SEC61A2: variants seen among roughly 807,000 people sequenced by gnomAD.
The protein encoded by SEC61A2 is SEC61 translocon subunit alpha 2, also known as protein transport protein Sec61 subunit alpha isoform 2.
Under a neutral mutation model 59.9 loss-of-function variants are expected in SEC61A2, and 28 were observed. The ratio of observed to expected loss-of-function variants is 0.47; its 90% confidence interval spans 0.35 to 0.64. SEC61A2 has a LOEUF of 0.64. Among genes scored for constraint, SEC61A2 ranks in the 30% least tolerant of loss-of-function variants. The probability of loss-of-function intolerance (pLI) is 0.01; values close to 1 mark genes in which losing one functional copy is unlikely to be tolerated. For synonymous variants in SEC61A2, 202 were observed against 214.4 expected (o/e 0.94, Z 0.50); for missense variants, 340 against 585.9 (o/e 0.58, Z 4.33).
chr10:12,167,617 T>C (rs1217378860), downstream of SEC61A2: 2 of 1,305,650 alleles, frequency 1.5e-6, no homozygotes, highest in Non-Finnish European at 2.2e-6. Context: ...ATGGCAAATC[T>C]ACATTAAACT....
chr10:12,158,142 T>A lies in SEC61A2; in HGVS notation c.975+37T>A. 6.7e-7 allele frequency: 1 copy of A among 1,482,814 alleles called. No individual in the cohort carries two copies. Among genetic ancestry groups the A allele is most frequent in the East Asian group, 2.4e-5 (1 of 42,380 alleles). 91.9% of individuals were successfully genotyped at this position (1,482,814 alleles called of 1,614,324 possible). A position where few individuals can be genotyped will look rare whatever the true frequency, so the allele number is the denominator to read the frequency against. On this transcript the variant is annotated intron_variant, in intron 9 of 11. Coordinates refer to ENST00000298428, the MANE Select transcript of SEC61A2 (RefSeq NM_018144.4). This position sits in a 1 kb window ranked among gnomAD's most constrained non-coding sequence, Gnocchi z 5.7. ...GTTTATTTACATTATTTATAGTTTA[T>A]TATAATTTGCATTTCATGGTTGTAT...
At chr10:12,167,867 C>CT, downstream of SEC61A2, 1 of 1,605,456 alleles carries the variant, frequency 6.2e-7, no homozygotes. Context: ...GACAAAACAT[C>CT]TTATTCAATC....
chr10:12,169,132 T>C, downstream of SEC61A2: 2 of 580,206 alleles, frequency 3.4e-6, no homozygotes, highest in Non-Finnish European at 6.1e-6. This position sits in a 1 kb window ranked among gnomAD's most constrained non-coding sequence, Gnocchi z 4.8. Context: ...ATAAACGGTT[T>C]GATTACTGTA....
In SEC61A2 at chr10:12,161,087, C is replaced by A; in HGVS notation, c.1133C>A (p.Thr378Lys). 1 of 1,613,336 alleles carries A rather than the reference C, an allele frequency of 6.2e-7. No individual in the cohort carries two copies. The change falls in exon 10 of 12, where the codon ACA (threonine) becomes AAA (lysine). Residue 378 changes from threonine to lysine, a missense_variant. Physicochemically the swap from Thr to Lys is moderately conservative, Grantham distance 78. Transcript: ENST00000298428. This position sits in a 1 kb window ranked among gnomAD's most constrained non-coding sequence, Gnocchi z 5.4. ...GGGTCATGTGCATTCTTCTCTAAGA[C>A]ATGGATTGAAGTGTCTGGTTCCTCA... Reference protein sequence around the residue: ...MLGSCAFFSKTWIEVSGSSAK... With the variant: ...MLGSCAFFSKKWIEVSGSSAK...
Position 12,160,840 on chromosome 10 carries a change from A to G in SEC61A2, c.976-90A>G. On this transcript the variant is annotated intron_variant, in intron 9 of 11. Transcript: ENST00000298428. The surrounding 1 kb of genome is among the most constrained non-coding windows in gnomAD (Gnocchi z 4.1). ...GCTGTAGATGCCTTGAACTTAAAAC[A>G]CTGTCATTTCTGAGAAGTTTGAAGT... 8.9e-7 allele frequency: 1 copy of G among 1,125,986 alleles called. No homozygotes were observed. The highest frequency in any genetic ancestry group is 1.3e-6 in the Non-Finnish European group (1 of 781,570). The allele number at this position is 1,125,986 out of a possible 1,614,324, so 69.7% of individuals were successfully genotyped here.
At chr10:12,169,363 G>T (rs749290425), downstream of SEC61A2, 66 of 1,417,080 alleles carry the variant, frequency 4.7e-5, no homozygotes, top group Non-Finnish European at 6.1e-5. The surrounding 1 kb of genome is among the most constrained non-coding windows in gnomAD (Gnocchi z 4.8). Context: ...ACTTGCCTAC[G>T]TCACCCTGCT....
In SEC61A2 at chr10:12,158,886, T is replaced by A. The variant is rs1343323799; in HGVS notation, c.975+781T>A. On this transcript the variant is annotated intron_variant, in intron 9 of 11. Coordinates refer to ENST00000298428, the MANE Select transcript of SEC61A2 (RefSeq NM_018144.4). The surrounding 1 kb of genome is among the most constrained non-coding windows in gnomAD (Gnocchi z 5.7). ...AGCTTGTGATGAGCTGGGCTAGAGA[T>A]AGGCATGCTATTAACTAGACGGTAG... is the stretch of plus-strand genomic sequence containing the variant. Among the ~76,000 whole-genome samples, 1 of 152,262 alleles carries A rather than the reference T, an allele frequency of 6.6e-6. No homozygotes were observed. Among genetic ancestry groups the A allele is most frequent in the South Asian group, 2.1e-4 (1 of 4,830 alleles).
intron 2 of SEC61A2, among the ~76,000 whole-genome samples, chr10:12,134,405 A>G (rs1027168225): frequency 1.4e-4 from 22 of 152,210 alleles, no homozygotes; most frequent in African/African-American, 4.8e-4. Context: ...AAATATTCAT[A>G]TGGCACTGTC....
Position 12,156,806 on chromosome 10 carries a change from C to T in SEC61A2, c.617-101C>T. On this transcript the variant is annotated intron_variant, in intron 7 of 11. Coordinates refer to ENST00000298428, the MANE Select transcript of SEC61A2 (RefSeq NM_018144.4). The surrounding 1 kb of genome is among the most constrained non-coding windows in gnomAD (Gnocchi z 5.2). ...CAAACATTGGCGAATTCTTTTGACC[C>T]ATATTTTCTGCTGTATACTGGACTT... 1 of 1,128,654 alleles carries T rather than the reference C, an allele frequency of 8.9e-7. No individual in the cohort carries two copies. The highest frequency in any genetic ancestry group is 1.5e-5 in the South Asian group (1 of 68,132). The allele number at this position is 1,128,654 out of a possible 1,614,324, so 69.9% of individuals were successfully genotyped here. A position where few individuals can be genotyped will look rare whatever the true frequency, so the allele number is the denominator to read the frequency against.
intron 3 of SEC61A2, among the ~76,000 whole-genome samples, chr10:12,137,966 A>G (rs1833926316): frequency 6.6e-6 from 1 of 152,208 alleles, no homozygotes; most frequent in Non-Finnish European, 1.5e-5. Flanking sequence ...AGATCACGCC[A>G]TTGCACTCAA....
chr10:12,155,306 C>T lies in SEC61A2; in HGVS notation c.463-472C>T. 1 of 1,538,908 alleles carries T rather than the reference C, an allele frequency of 6.5e-7. No individual in the cohort carries two copies. The highest frequency in any genetic ancestry group is 8.7e-7 in the Non-Finnish European group (1 of 1,144,498). On this transcript the variant is annotated intron_variant, in intron 6 of 11. Coordinates refer to ENST00000298428, the MANE Select transcript of SEC61A2 (RefSeq NM_018144.4). The surrounding 1 kb of genome is among the most constrained non-coding windows in gnomAD (Gnocchi z 4.3). ...TATATAATATATATAATGCTTTTTT[C>T]AAAGGATCAACACAGCCCTTAGACT...
In SEC61A2 at chr10:12,156,015, G is replaced by T. The variant is rs1834389992; in HGVS notation, c.616+84G>T. Reference sequence around the variant, plus strand: ...CCCATCGTGTCGCAGTACATGCCTAGAGCCGTTCTGGTTTGCTCTCCTAGG... The same window carrying T: ...CCCATCGTGTCGCAGTACATGCCTATAGCCGTTCTGGTTTGCTCTCCTAGG... On this transcript the variant is annotated intron_variant, in intron 7 of 11. Transcript: ENST00000298428. The surrounding 1 kb of genome is among the most constrained non-coding windows in gnomAD (Gnocchi z 5.2). 6.8e-7 allele frequency: 1 copy of T among 1,472,324 alleles called. No individual in the cohort carries two copies. The highest frequency in any genetic ancestry group is 9.4e-7 in the Non-Finnish European group (1 of 1,059,298). The allele number at this position is 1,472,324 out of a possible 1,614,324, so 91.2% of individuals were successfully genotyped here.
chr10:12,146,283 G>A (rs1449498292), intron 4 of SEC61A2, among the ~76,000 whole-genome samples: 2 of 152,138 alleles, frequency 1.3e-5, no homozygotes, highest in Admixed American at 1.3e-4. Flanking sequence ...CTCCCAAAGT[G>A]CTGGGATTAC....
At position 12,165,128 on chromosome 10, in the gene SEC61A2, T is replaced by C; in HGVS notation, c.*674T>C. 1.0e-6 allele frequency: 1 copy of C among 985,806 alleles called. No homozygotes were observed. Among genetic ancestry groups the C allele is most frequent in the Non-Finnish European group, 1.2e-6 (1 of 830,048 alleles). 61.1% of individuals were successfully genotyped at this position (985,806 alleles called of 1,614,324 possible). ...TGACAGCATCATCGTGCTGTTTGCC[T>C]GTATTGGCTATGCCTTCTAACTCCA... On this transcript the variant is annotated 3_prime_UTR_variant, in exon 12 of 12. Transcript: ENST00000298428.
At chr10:12,130,200 T>A (rs968304982) in intron 1 of SEC61A2, among the ~76,000 whole-genome samples, 4 of 152,096 alleles carry the variant, frequency 2.6e-5, no homozygotes, top group African/African-American at 4.8e-5. Context: ...CGTTTAATTT[T>A]AAAAAAAGTG....
chr10:12,166,829 G>C (rs1488628364), downstream of SEC61A2: 1 of 457,188 alleles, frequency 2.2e-6, no homozygotes, highest in African/African-American at 2.0e-5. Flanking sequence ...TAGATGACAG[G>C]GTTTCAGGCA....
intron 9 of SEC61A2, among the ~76,000 whole-genome samples, chr10:12,159,497 T>C (rs529094879): frequency 6.6e-6 from 1 of 152,248 alleles, no homozygotes; most frequent in South Asian, 2.1e-4. Flanking sequence ...GAGACCTGTC[T>C]GGGCAACATA....
downstream of SEC61A2, chr10:12,167,620 A>G: frequency 7.4e-7 from 1 of 1,357,076 alleles, no homozygotes; most frequent in Non-Finnish European, 1.0e-6. Context: ...GCAAATCTAC[A>G]TTAAACTAAG....
chr10:12,130,072 T>TA (rs1430432758), intron 1 of SEC61A2, among the ~76,000 whole-genome samples: 2 of 152,260 alleles, frequency 1.3e-5, no homozygotes, highest in Non-Finnish European at 2.9e-5. Context: ...GGCGGGGAGT[T>TA]AGGGCACCGG....
Sources: gnomAD v4.1 joint callset for allele counts (sites outside exome capture counted in the v4.1 genomes callset) on GRCh38, gnomAD v4.1.1 for gene constraint, Gnocchi (gnomAD v3.1) non-coding constraint, MANE v1.5 for transcripts, NCBI Gene and HGNC (gene_info 2026-07-23, HGNC 2026-07-21) for gene names.